The following PHACTR1 variants were observed in gnomAD, a reference collection of about 807,000 sequenced individuals.
PHACTR1 encodes phosphatase and actin regulator 1, also known as RPEL repeat containing 1.
PHACTR1 carries 16 observed loss-of-function variants against 69.2 expected under a neutral mutation model. That is an observed-to-expected ratio of 0.23 (90% CI 0.16 to 0.35). The LOEUF is 0.35. PHACTR1 is among the 10% of genes least tolerant of loss of function. PHACTR1 has a pLI of 1.00. For missense variants in PHACTR1, 510 were observed against 734.7 expected, an observed-to-expected ratio of 0.69 and a Z score of 3.54; for synonymous variants, 312 against 284.5, an observed-to-expected ratio of 1.10 and a Z score of -0.97.
At chr6:13,239,935 C>T (rs954916175) in intron 10 of PHACTR1, among the ~76,000 whole-genome samples, 3 of 152,142 alleles carry the variant, frequency 2.0e-5, no homozygotes, top group African/African-American at 7.2e-5. Context: ...TGACTTGCGG[C>T]TGCCCCGGCA....
At chr6:13,058,821 A>G (rs1335651834) in intron 5 of PHACTR1, among the ~76,000 whole-genome samples, 1 of 152,146 alleles carries the variant, frequency 6.6e-6, no homozygotes, top group African/African-American at 2.4e-5. Flanking sequence ...AGAGCGAGAA[A>G]GACCAGTGGC....
chr6:13,286,963 C>T, intron 14 of PHACTR1, 100 bp from the exon 15 acceptor site: 2 of 1,318,436 alleles, frequency 1.5e-6, no homozygotes, highest in Non-Finnish European at 2.1e-6. Context: ...TCGCACCTCC[C>T]TCTCACGGTC....
chr6:13,260,331 T>A (rs955851278), intron 10 of PHACTR1, among the ~76,000 whole-genome samples: 35 of 152,282 alleles, frequency 2.3e-4, no homozygotes, highest in African/African-American at 7.9e-4. Context: ...ACTGTGAATG[T>A]GCTACTGGGT....
At chr6:13,211,056 C>A (rs1387607779) in intron 8 of PHACTR1, among the ~76,000 whole-genome samples, 1 of 151,408 alleles carries the variant, frequency 6.6e-6, no homozygotes, top group Admixed American at 6.6e-5. Flanking sequence ...TTCTTAAAGT[C>A]ATTAAAGAGT....
intron 5 of PHACTR1, among the ~76,000 whole-genome samples, chr6:13,061,495 A>G (rs1807674417): frequency 6.6e-6 from 1 of 152,202 alleles, no homozygotes; most frequent in South Asian, 2.1e-4. Context: ...ACAGAAGATC[A>G]TGAGCTTATG....
At chr6:13,026,138 G>A (rs530883329) in intron 4 of PHACTR1, among the ~76,000 whole-genome samples, 10 of 152,118 alleles carry the variant, frequency 6.6e-5, no homozygotes, top group South Asian at 2.1e-4. Context: ...AGCCTAAATC[G>A]CAGTCAGATT....
intron 5 of PHACTR1, among the ~76,000 whole-genome samples, chr6:13,064,639 T>A: frequency 8.8e-6 from 1 of 113,722 alleles, no homozygotes. Context: ...TGCCAGACTA[T>A]GGAGGATTCA....
chr6:12,779,354 G>T (rs560576872), intron 4 of PHACTR1, among the ~76,000 whole-genome samples: 2 of 152,028 alleles, frequency 1.3e-5, no homozygotes, highest in South Asian at 4.2e-4. Flanking sequence ...AAAAGTTGGA[G>T]AAGCAAATTT....
intron 3 of PHACTR1, among the ~76,000 whole-genome samples, chr6:12,745,180 C>T (rs1765617200): frequency 6.6e-6 from 1 of 152,172 alleles, no homozygotes; most frequent in Non-Finnish European, 1.5e-5. Flanking sequence ...TCACATCCTT[C>T]TTTCTCCCTC....
chr6:12,998,145 A>G (rs532311679), intron 4 of PHACTR1, among the ~76,000 whole-genome samples: 2 of 152,274 alleles, frequency 1.3e-5, no homozygotes, highest in East Asian at 1.9e-4. Flanking sequence ...TGCAGTACTC[A>G]GGAAAAAAAT....
At chr6:12,718,601 T>C in intron 2 of PHACTR1, 98 bp from the exon 3 acceptor site, 1 of 397,186 alleles carries the variant, frequency 2.5e-6, no homozygotes, top group Non-Finnish European at 4.5e-6. Flanking sequence ...TAGAATATTA[T>C]AATGGGATAT....
At chr6:12,872,509 A>G (rs1378008473) in intron 4 of PHACTR1, among the ~76,000 whole-genome samples, 2 of 152,208 alleles carry the variant, frequency 1.3e-5, no homozygotes, top group African/African-American at 4.8e-5. Context: ...CTTTGATTTT[A>G]TGTACATATG....
chr6:13,186,069 T>G (rs896049927), intron 7 of PHACTR1, among the ~76,000 whole-genome samples: 53 of 152,332 alleles, frequency 3.5e-4, no homozygotes, highest in African/African-American at 1.2e-3. Context: ...GTCAAACTAA[T>G]CTATTAATGT....
chr6:13,162,422 C>T lies in PHACTR1; in HGVS notation c.496+2138C>T, dbSNP rs138992390. ...GATTACAGGTGTGAGCCACCGCGCC[C>T]GGCCCCTCCCTTGTTCTAACTTTAA... is the stretch of plus-strand genomic sequence containing the variant. On this transcript the variant is annotated intron_variant, in intron 6 of 14. Coordinates refer to ENST00000332995, the MANE Select transcript of PHACTR1 (RefSeq NM_030948.6). 5.8e-3 allele frequency among the ~76,000 whole-genome samples: 885 copies of T among 152,146 alleles called. 10 individuals carry two copies. Among genetic ancestry groups the T allele is most frequent in the African/African-American group, 0.019 (787 of 41,498 alleles).
intron 4 of PHACTR1, among the ~76,000 whole-genome samples, chr6:12,782,252 G>C (rs573696311): frequency 6.6e-6 from 1 of 152,284 alleles, no homozygotes; most frequent in South Asian, 2.1e-4. Flanking sequence ...AAATTCATTA[G>C]ATCTGAGGGT....
chr6:13,277,402 A>C (rs982296883), intron 11 of PHACTR1, among the ~76,000 whole-genome samples: 2 of 152,170 alleles, frequency 1.3e-5, no homozygotes, highest in Non-Finnish European at 2.9e-5. Context: ...AGATTCAAAC[A>C]ATCGATGGAA....
At chr6:13,241,625 A>G (rs1014812992) in intron 10 of PHACTR1, among the ~76,000 whole-genome samples, 11 of 152,226 alleles carry the variant, frequency 7.2e-5, no homozygotes, top group African/African-American at 7.2e-5. Context: ...AAGGTCATCC[A>G]GAGCACCAAA....
rs73364156 is a variant in PHACTR1 at position 12,958,884 on chromosome 6, C to A, written c.251-94481C>A. On this transcript the variant is annotated intron_variant, in intron 4 of 14. Transcript: ENST00000332995. ...TTGAATGTATCTGATAGAAACAACT[C>A]TTTAAAGAGGGGTCGGGCACGGTGG... is the stretch of plus-strand genomic sequence containing the variant. Among the ~76,000 whole-genome samples the A allele has an allele frequency of 8.5e-3, 1,298 of 152,234 alleles. 21 individuals are homozygous for A. Among genetic ancestry groups the A allele is most frequent in the African/African-American group, 0.029 (1,217 of 41,536 alleles).
intron 5 of PHACTR1, among the ~76,000 whole-genome samples, chr6:13,133,226 TCC>T (rs1561876296): frequency 2.1e-3 from 35 of 16,380 alleles, no homozygotes; most frequent in African/African-American, 0.011. Flanking sequence ...CCCCTCCCCC[TCC>T]CCCTCTCCCT....
Sources: gnomAD v4.1 joint callset for allele counts (sites outside exome capture counted in the v4.1 genomes callset) on GRCh38, gnomAD v4.1.1 for gene constraint, MANE v1.5 for transcripts, NCBI Gene and HGNC (gene_info 2026-07-23, HGNC 2026-07-21) for gene names.